The following TMPRSS12 variants were observed in gnomAD, a reference collection of about 807,000 sequenced individuals.
TMPRSS12 encodes the protein transmembrane protease serine 12.
TMPRSS12 carries 25 observed loss-of-function variants against 26.0 expected under a neutral mutation model. That is an observed-to-expected ratio of 0.96 (90% CI 0.70 to 1.34). The LOEUF (loss-of-function observed/expected upper bound fraction) is 1.34, where lower values mean the gene tolerates loss of function less well. Among genes scored for constraint, TMPRSS12 ranks in the 40% most tolerant of loss-of-function variants. The pLI, the probability that TMPRSS12 is intolerant of heterozygous loss-of-function variation, is 0.00. For missense variants in TMPRSS12, 441 were observed against 440.1 expected (o/e 1.00, Z -0.02); for synonymous variants, 150 against 161.7 (o/e 0.93, Z 0.55).
At position 50,887,429 on chromosome 12, in the gene TMPRSS12, C is replaced by T. The variant is rs747935208; in HGVS notation, c.963C>T (p.Ser321=). ...TGACAGAGCATTTCTTCCATGCAAG[C>T]ACTCAAGGCATACTTACTATAAATA... ...KWLTEHFFHA[S]TQGILTINIL... Residue 321 remains serine, a synonymous_variant, in exon 5 of 5, where the codon AGC becomes AGT. Transcript: ENST00000398458. The T allele has an allele frequency of 1.2e-6, 2 of 1,613,922 alleles. No individual in the cohort carries two copies. The highest frequency in any genetic ancestry group is 1.7e-6 in the Non-Finnish European group (2 of 1,179,870).
At chr12:50,869,398 A>G (rs1046648497) in intron 3 of TMPRSS12, among the ~76,000 whole-genome samples, 4 of 152,314 alleles carry the variant, frequency 2.6e-5, no homozygotes, top group Non-Finnish European at 4.4e-5. Flanking sequence ...TAGAAAATCT[A>G]GAAGGAGTGG....
chr12:50,863,886 C>G (rs1366494399), intron 3 of TMPRSS12, among the ~76,000 whole-genome samples: 1 of 152,152 alleles, frequency 6.6e-6, no homozygotes, highest in Non-Finnish European at 1.5e-5. Flanking sequence ...TACTGTATTT[C>G]AGTGACAGAG....
chr12:50,852,924 G>A (rs1218149796), intron 2 of TMPRSS12, among the ~76,000 whole-genome samples: 1 of 152,104 alleles, frequency 6.6e-6, no homozygotes, highest in Non-Finnish European at 1.5e-5. Context: ...AGATCACTGA[G>A]GTAGAACACT....
intron 3 of TMPRSS12, among the ~76,000 whole-genome samples, chr12:50,870,940 T>C (rs550482414): frequency 1.1e-3 from 167 of 151,014 alleles, no homozygotes; most frequent in African/African-American, 3.8e-3. Flanking sequence ...CTGAAAGAAA[T>C]CATAGATGAC....
chr12:50,881,737 G>C (rs1291502078), intron 3 of TMPRSS12, among the ~76,000 whole-genome samples: 2 of 150,904 alleles, frequency 1.3e-5, no homozygotes, highest in African/African-American at 4.9e-5. Context: ...TTGGGAGGCT[G>C]AGACGGGCAG....
intron 3 of TMPRSS12, among the ~76,000 whole-genome samples, chr12:50,865,994 T>G (rs1043258000): frequency 6.6e-6 from 1 of 151,934 alleles, no homozygotes; most frequent in African/African-American, 2.4e-5. Flanking sequence ...ATGGAGCTTC[T>G]GTACAGACTG....
intron 3 of TMPRSS12, among the ~76,000 whole-genome samples, chr12:50,880,014 T>C (rs1318889692): frequency 6.6e-6 from 1 of 152,044 alleles, no homozygotes; most frequent in East Asian, 1.9e-4. Context: ...TTTGAAAAGA[T>C]AAGTCACCAT....
At chr12:50,872,596 G>GTATATGTACATATATATGACGCA (rs1938059252) in intron 3 of TMPRSS12, among the ~76,000 whole-genome samples, 1 of 90,808 alleles carries the variant, frequency 1.1e-5, no homozygotes, top group Non-Finnish European at 2.1e-5. Context: ...TATATATGAC[G>GTATATGTACATATATATGACGCA]TATATGTACA....
At chr12:50,878,275 T>C (rs908851622) in intron 3 of TMPRSS12, among the ~76,000 whole-genome samples, 19 of 151,648 alleles carry the variant, frequency 1.3e-4, no homozygotes, top group African/African-American at 3.9e-4. Context: ...AATCAACACA[T>C]TGGGATAAAG....
chr12:50,849,159 C>A (rs1937801222), intron 2 of TMPRSS12, among the ~76,000 whole-genome samples: 1 of 152,156 alleles, frequency 6.6e-6, no homozygotes, highest in Non-Finnish European at 1.5e-5. Flanking sequence ...CTGCATACAG[C>A]CACCAATGGA....
chr12:50,879,555 C>G (rs954947084), intron 3 of TMPRSS12, among the ~76,000 whole-genome samples: 2 of 152,078 alleles, frequency 1.3e-5, no homozygotes, highest in South Asian at 2.1e-4. Flanking sequence ...TTATTGGCCT[C>G]CCTGAACCAA....
intron 3 of TMPRSS12, among the ~76,000 whole-genome samples, chr12:50,878,805 A>G (rs1294807072): frequency 6.6e-6 from 1 of 152,248 alleles, no homozygotes; most frequent in East Asian, 1.9e-4. Context: ...TAGTGGTACA[A>G]TCTGAATGTT....
chr12:50,880,808 A>G (rs1163839718), intron 3 of TMPRSS12, among the ~76,000 whole-genome samples: 1 of 152,100 alleles, frequency 6.6e-6, no homozygotes, highest in Admixed American at 6.6e-5. Context: ...ATCCCACAAC[A>G]AAAAGGAAGA....
chr12:50,855,761 T>C (rs1937870733), intron 2 of TMPRSS12, among the ~76,000 whole-genome samples: 1 of 152,186 alleles, frequency 6.6e-6, no homozygotes, highest in African/African-American at 2.4e-5. Flanking sequence ...CATGCATATG[T>C]TTATTGCAGC....
chr12:50,884,371 G>C (rs1281186103), intron 3 of TMPRSS12, among the ~76,000 whole-genome samples: 1 of 152,068 alleles, frequency 6.6e-6, no homozygotes, highest in East Asian at 1.9e-4. Flanking sequence ...AAATCCATTG[G>C]AATTAACAGA....
intron 3 of TMPRSS12, among the ~76,000 whole-genome samples, chr12:50,880,226 A>G (rs1294325059): frequency 6.6e-6 from 1 of 151,912 alleles, no homozygotes; most frequent in Non-Finnish European, 1.5e-5. Context: ...GCAAGATCTC[A>G]TTGCTACAAA....
intron 3 of TMPRSS12, among the ~76,000 whole-genome samples, chr12:50,866,687 G>A (rs1937994105): frequency 1.3e-5 from 2 of 152,034 alleles, no homozygotes; most frequent in Admixed American, 6.6e-5. Context: ...ACAAAAATAG[G>A]ACATTAAACC....
At position 50,858,878 on chromosome 12, in the gene TMPRSS12, T is replaced by C; in HGVS notation, c.477T>C (p.Ile159=). ...TKKIKIKAII[I]HPNFILESYV... is the part of the protein sequence containing the mutation. ...AGATAAAAATTAAAGCAATCATTAT[T>C]CATCCAAACTTCATTTTGGAATCTT... Residue 159 remains isoleucine, a synonymous_variant, in exon 3 of 5, where the codon ATT becomes ATC. Coordinates refer to ENST00000398458, the MANE Select transcript of TMPRSS12 (RefSeq NM_182559.3). The C allele has an allele frequency of 6.3e-7, 1 of 1,596,338 alleles. No homozygotes were observed. Among genetic ancestry groups the C allele is most frequent in the Non-Finnish European group, 8.5e-7 (1 of 1,170,224 alleles).
At chr12:50,867,263 A>G (rs1937999819) in intron 3 of TMPRSS12, among the ~76,000 whole-genome samples, 1 of 152,218 alleles carries the variant, frequency 6.6e-6, no homozygotes, top group Non-Finnish European at 1.5e-5. Context: ...AGAAATATTC[A>G]AGGAAATAGA....
Sources: gnomAD v4.1 joint callset for allele counts (sites outside exome capture counted in the v4.1 genomes callset) on GRCh38, gnomAD v4.1.1 for gene constraint, MANE v1.5 for transcripts, NCBI Gene and HGNC (gene_info 2026-07-23, HGNC 2026-07-21) for gene names.